Variants in RNF19B observed in about 807,000 individuals in gnomAD.
RNF19B encodes E3 ubiquitin-protein ligase RNF19B.
In RNF19B, 23 loss-of-function variants were observed where a neutral mutation model predicts 65.5. The ratio of observed to expected loss-of-function variants is 0.35; its 90% CI spans 0.25 to 0.50. The LOEUF (loss-of-function observed/expected upper bound fraction) is 0.50. Among genes scored for constraint, RNF19B ranks in the 20% least tolerant of loss-of-function variants. The probability of loss-of-function intolerance (pLI) is 0.98; values close to 1 mark genes in which losing one functional copy is unlikely to be tolerated. For synonymous variants in RNF19B, 372 were observed against 379.6 expected, an observed-to-expected ratio of 0.98 and a Z score of 0.23; for missense variants, 794 against 980.0, an observed-to-expected ratio of 0.81 and a Z score of 2.53.
intron 4 of RNF19B, among the ~76,000 whole-genome samples, chr1:32,945,925 C>A (rs580167): frequency 0.18 from 27,843 of 151,348 alleles, 3,122 homozygotes; most frequent in East Asian, 0.25. Flanking sequence ...TGCAGTGGTG[C>A]GATCTTGGCT....
At chr1:32,963,398 C>T (rs754954642) in intron 1 of RNF19B, among the ~76,000 whole-genome samples, 2 of 152,072 alleles carry the variant, frequency 1.3e-5, no homozygotes, top group South Asian at 2.1e-4. Flanking sequence ...GCCAAATATC[C>T]CCTCCCCACT....
chr1:32,935,551 C>T (rs1642083520), downstream of RNF19B, among the ~76,000 whole-genome samples: 1 of 152,210 alleles, frequency 6.6e-6, no homozygotes, highest in East Asian at 1.9e-4. Context: ...CATACCCCCT[C>T]CTTTCATTAC....
At chr1:32,932,197 G>C (rs1288443601), downstream of RNF19B, among the ~76,000 whole-genome samples, 1 of 152,178 alleles carries the variant, frequency 6.6e-6, no homozygotes, top group African/African-American at 2.4e-5. Context: ...CCTTCCATGT[G>C]AGCTGCTACC....
chr1:32,945,117 C>T (rs1349283175), intron 5 of RNF19B, among the ~76,000 whole-genome samples: 1 of 152,150 alleles, frequency 6.6e-6, no homozygotes, highest in Admixed American at 6.5e-5. Context: ...GTTAGTTACA[C>T]TATTATTATT....
chr1:32,938,550 A>G (rs753755931), intron 7 of RNF19B, 22 bp from the exon 8 acceptor site: 18 of 1,611,706 alleles, frequency 1.1e-5, no homozygotes, highest in Non-Finnish European at 1.3e-5. Flanking sequence ...GGGGACGTTC[A>G]AGTTAATATG....
chr1:32,957,161 G>A (rs978342726), intron 1 of RNF19B, among the ~76,000 whole-genome samples: 2 of 152,140 alleles, frequency 1.3e-5, no homozygotes, highest in Non-Finnish European at 2.9e-5. Context: ...TCCAGTCCAC[G>A]TTTTCAGGTT....
intron 6 of RNF19B, among the ~76,000 whole-genome samples, 185 bp from the exon 7 acceptor site, chr1:32,942,644 AAT>A (rs2124123349): frequency 6.6e-6 from 1 of 152,356 alleles, no homozygotes; most frequent in African/African-American, 2.4e-5. Context: ...ACTAGGCATT[AAT>A]AGCCTCAATT....
chr1:32,942,617 A>G (rs928608377), intron 6 of RNF19B, among the ~76,000 whole-genome samples, 158 bp from the exon 7 acceptor site: 2 of 152,242 alleles, frequency 1.3e-5, no homozygotes, highest in Admixed American at 6.5e-5. Context: ...ATATGTTCAT[A>G]TTTAATCCTC....
At chr1:32,942,803 G>T (rs560717833) in intron 6 of RNF19B, among the ~76,000 whole-genome samples, 2 of 152,136 alleles carry the variant, frequency 1.3e-5, no homozygotes, top group African/African-American at 2.4e-5. Flanking sequence ...TAAAAAATAT[G>T]TTTGGGTCAT....
At chr1:32,944,848 C>A (rs896582252) in intron 5 of RNF19B, among the ~76,000 whole-genome samples, 4 of 152,050 alleles carry the variant, frequency 2.6e-5, no homozygotes, top group Non-Finnish European at 4.4e-5. Context: ...GCTACCACAC[C>A]CGGCTGATTT....
intron 1 of RNF19B, among the ~76,000 whole-genome samples, chr1:32,959,891 A>G (rs915925391): frequency 6.6e-6 from 1 of 151,320 alleles, no homozygotes; most frequent in African/African-American, 2.4e-5. Flanking sequence ...CAAAAAAAAA[A>G]AAAAAAAAAA....
downstream of RNF19B, among the ~76,000 whole-genome samples, chr1:32,934,400 G>A (rs2124094476): frequency 6.6e-6 from 1 of 152,312 alleles, no homozygotes; most frequent in African/African-American, 2.4e-5. Context: ...CAATCTGAGG[G>A]CCGGGCGAGG....
chr1:32,950,297 C>T (rs1642463538), intron 1 of RNF19B, among the ~76,000 whole-genome samples: 1 of 152,100 alleles, frequency 6.6e-6, no homozygotes, highest in Non-Finnish European at 1.5e-5. Flanking sequence ...ATTCCAAAAA[C>T]ACAAATCATT....
chr1:32,964,083 G>A lies in RNF19B; in HGVS notation c.603C>T (p.Pro201=), dbSNP rs369366328. The change falls in exon 1 of 9, where the codon CCC becomes CCT. Residue 201 remains proline, a synonymous_variant. Coordinates refer to ENST00000235150, the MANE Select transcript of RNF19B (RefSeq NM_001300826.2). This position sits in a 1 kb window ranked among gnomAD's most constrained non-coding sequence, Gnocchi z 6.5. ...FMLRRYLASD[P]DCRWCPAPDC... Reference sequence around the variant, plus strand: ...CCGGGGCCGGGCACCAGCGGCAGTCGGGGTCCGAGGCTAGGTAGCGGCGCA... The same window carrying A: ...CCGGGGCCGGGCACCAGCGGCAGTCAGGGTCCGAGGCTAGGTAGCGGCGCA... 1.2e-4 allele frequency: 187 copies of A among 1,522,774 alleles called. No individual in the cohort carries two copies. In the African/African-American group the frequency reaches 2.1e-3, roughly 17 times the overall value. 94.3% of individuals were successfully genotyped at this position (1,522,774 alleles called of 1,614,324 possible).
intron 6 of RNF19B, among the ~76,000 whole-genome samples, chr1:32,942,798 A>T (rs1455953666): frequency 6.6e-6 from 1 of 152,184 alleles, no homozygotes; most frequent in East Asian, 1.9e-4. Flanking sequence ...AGATTTAAAA[A>T]ATATGTTTGG....
At chr1:32,945,751 A>C in intron 4 of RNF19B, 123 bp from the exon 5 acceptor site, 1 of 530,596 alleles carries the variant, frequency 1.9e-6, no homozygotes, top group Non-Finnish European at 3.4e-6. Context: ...CTCTACCCCA[A>C]ATAGGCATCT....
At chr1:32,958,474 T>C (rs977341045) in intron 1 of RNF19B, among the ~76,000 whole-genome samples, 1 of 152,152 alleles carries the variant, frequency 6.6e-6, no homozygotes, top group Non-Finnish European at 1.5e-5. Context: ...CCCAGCACTT[T>C]GGGAGGCTGA....
chr1:32,947,658 T>TAA (rs375806177), intron 3 of RNF19B, among the ~76,000 whole-genome samples: 2 of 125,758 alleles, frequency 1.6e-5, no homozygotes, highest in South Asian at 2.5e-4. Context: ...AACTCTGTCT[T>TAA]AAAAAAAAAA....
At chr1:32,941,803 G>GT (rs1642239338) in intron 7 of RNF19B, among the ~76,000 whole-genome samples, 1 of 150,064 alleles carries the variant, frequency 6.7e-6, no homozygotes, top group African/African-American at 2.5e-5. Context: ...ATTTGTAAAA[G>GT]TAAAAAAAAA....
Sources: gnomAD v4.1 joint callset for allele counts (sites outside exome capture counted in the v4.1 genomes callset) on GRCh38, gnomAD v4.1.1 for gene constraint, Gnocchi (gnomAD v3.1) non-coding constraint, MANE v1.5 for transcripts, NCBI Gene and HGNC (gene_info 2026-07-23, HGNC 2026-07-21) for gene names.